The following FAM118A variants were observed in gnomAD, a reference collection of about 807,000 sequenced individuals.
The protein encoded by FAM118A is SIR2 antiphage like 2, also known as protein FAM118A.
Under a neutral mutation model 38.2 loss-of-function variants are expected in FAM118A, and 25 were observed. That is an observed-to-expected ratio of 0.65 (90% CI 0.48 to 0.91). The LOEUF (loss-of-function observed/expected upper bound fraction) is 0.91. FAM118A is among the 40% of genes least tolerant of loss of function. The probability of loss-of-function intolerance (pLI) is 0.00; values close to 1 mark genes in which losing one functional copy is unlikely to be tolerated. For missense variants in FAM118A, 425 were observed against 463.3 expected (o/e 0.92, Z 0.76); for synonymous variants, 178 against 184.1 (o/e 0.97, Z 0.27).
Position 45,341,160 on chromosome 22 carries a change from A to G in FAM118A, c.*755A>G, listed in dbSNP as rs1314551833. 2.0e-5 allele frequency: 3 copies of G among 152,222 alleles called. No homozygotes were observed. The highest frequency in any genetic ancestry group is 4.4e-5 in the Non-Finnish European group (3 of 68,030). 9.4% of individuals were successfully genotyped at this position (152,222 alleles called of 1,614,324 possible). On this transcript the variant is annotated 3_prime_UTR_variant, in exon 9 of 9. Coordinates refer to ENST00000441876, the MANE Select transcript of FAM118A (RefSeq NM_017911.4). ...ACATGTTACTATAGAAAGCATTTTA[A>G]AGGTACGTTTTAAAGGTCCACTGTT...
At chr22:45,320,323 G>A (rs1489818325) in intron 1 of FAM118A, among the ~76,000 whole-genome samples, 2 of 152,122 alleles carry the variant, frequency 1.3e-5, no homozygotes, top group Non-Finnish European at 2.9e-5. Flanking sequence ...TTAGCCGGAT[G>A]TGGTGGCGCA....
intron 1 of FAM118A, among the ~76,000 whole-genome samples, chr22:45,316,286 C>T (rs1283934317): frequency 3.9e-5 from 6 of 152,136 alleles, no homozygotes; most frequent in Non-Finnish European, 8.8e-5. Context: ...GTGATCCGGC[C>T]GCCTCGGCCT....
At chr22:45,322,342 A>C in intron 1 of FAM118A, 29 bp from the exon 2 acceptor site, 2 of 1,602,444 alleles carry the variant, frequency 1.2e-6, no homozygotes, top group Admixed American at 3.5e-5. Context: ...GGGAGACAGA[A>C]GTCACTTCTG....
At chr22:45,332,314 G>A in intron 5 of FAM118A, 111 bp from the exon 6 acceptor site, 4 of 1,168,888 alleles carry the variant, frequency 3.4e-6, no homozygotes, top group Non-Finnish European at 3.7e-6. Context: ...GTGGCCCTGG[G>A]AACGCCTGTC....
intron 8 of FAM118A, among the ~76,000 whole-genome samples, chr22:45,339,039 G>C (rs2086295579): frequency 6.6e-6 from 1 of 152,264 alleles, no homozygotes; most frequent in Non-Finnish European, 1.5e-5. Context: ...ATGAGAGTGA[G>C]CTGATGTGGC....
intron 6 of FAM118A, among the ~76,000 whole-genome samples, chr22:45,333,545 G>T (rs2085871383): frequency 6.6e-6 from 1 of 151,966 alleles, no homozygotes; most frequent in South Asian, 2.1e-4. Flanking sequence ...ATGGTGGCGG[G>T]CACCTGTAGT....
At chr22:45,320,269 C>G (rs1035182814) in intron 1 of FAM118A, among the ~76,000 whole-genome samples, 6 of 152,110 alleles carry the variant, frequency 3.9e-5, no homozygotes, top group African/African-American at 1.4e-4. Flanking sequence ...CGAGACCATC[C>G]TGGCTAACAT....
At chr22:45,339,464 T>G (rs1185688471) in intron 8 of FAM118A, among the ~76,000 whole-genome samples, 1 of 152,228 alleles carries the variant, frequency 6.6e-6, no homozygotes, top group Non-Finnish European at 1.5e-5. Context: ...ACACATGTTT[T>G]AGAGAATTCG....
At chr22:45,327,715 C>T (rs1244443042) in intron 3 of FAM118A, 127 bp from the exon 4 acceptor site, 38 of 918,110 alleles carry the variant, frequency 4.1e-5, no homozygotes, top group Non-Finnish European at 5.2e-5. Context: ...TTGCGGCGCA[C>T]GCTGTGAAGC....
Position 45,340,640 on chromosome 22 carries a change from T to C in FAM118A, c.*235T>C, listed in dbSNP as rs532050285. ...TTCAGGTGGACTTTGCAAGGACTGA[T>C]GGATAGCTACCTCAGGGACCAGAAT... On this transcript the variant is annotated 3_prime_UTR_variant, in exon 9 of 9. Coordinates refer to ENST00000441876, the MANE Select transcript of FAM118A (RefSeq NM_017911.4). The C allele has an allele frequency of 1.8e-6, 1 of 564,412 alleles. No individual in the cohort carries two copies. Among genetic ancestry groups the C allele is most frequent in the African/African-American group, 1.9e-5 (1 of 53,426 alleles). The allele number at this position is 564,412 out of a possible 1,614,324, so 35.0% of individuals were successfully genotyped here.
chr22:45,338,299 G>A (rs914987554), intron 8 of FAM118A, among the ~76,000 whole-genome samples: 6 of 151,966 alleles, frequency 3.9e-5, no homozygotes, highest in Non-Finnish European at 4.4e-5. Flanking sequence ...GCGCGATCTC[G>A]GCTCACCACA....
chr22:45,335,877 T>A (rs961423879), intron 7 of FAM118A, among the ~76,000 whole-genome samples: 2 of 152,248 alleles, frequency 1.3e-5, no homozygotes, highest in Non-Finnish European at 2.9e-5. Context: ...AGCGTCCTCC[T>A]GTGTGTGCGC....
chr22:45,323,087 A>G, intron 2 of FAM118A, 88 bp from the exon 3 acceptor site: 1 of 1,414,982 alleles, frequency 7.1e-7, no homozygotes, highest in Non-Finnish European at 9.7e-7. Flanking sequence ...ACACAGCACA[A>G]GGCCGGAACT....
At chr22:45,337,349 G>A (rs1021677406) in intron 8 of FAM118A, among the ~76,000 whole-genome samples, 1 of 152,238 alleles carries the variant, frequency 6.6e-6, no homozygotes, top group East Asian at 1.9e-4. Flanking sequence ...TGTTGTGTCT[G>A]TGGGCCCAGT....
At position 45,336,323 on chromosome 22, in the gene FAM118A, T is replaced by C. The variant is rs756841208; in HGVS notation, c.971-5T>C. 1 of 1,610,532 alleles carries C rather than the reference T, an allele frequency of 6.2e-7. No individual in the cohort carries two copies. The highest frequency in any genetic ancestry group is 1.3e-5 in the African/African-American group (1 of 74,780). On this transcript the variant is annotated splice_polypyrimidine_tract_variant and splice_region_variant and intron_variant, in intron 7 of 8. Transcript: ENST00000441876. ...CAAGCTTCTTAATAAATTCTTCTCT[T>C]TTAGGTAATGCATGCCAGGACTGTG...
intron 8 of FAM118A, among the ~76,000 whole-genome samples, 169 bp downstream of exon 8, chr22:45,336,580 C>T (rs1293493098): frequency 6.6e-6 from 1 of 152,166 alleles, no homozygotes. Context: ...GAGACCCTGA[C>T]CTCTCACCCC....
At chr22:45,322,633 C>T (rs1389362174) in intron 2 of FAM118A, among the ~76,000 whole-genome samples, 4 of 152,180 alleles carry the variant, frequency 2.6e-5, no homozygotes, top group Non-Finnish European at 4.4e-5. Context: ...GTCTCCAAAC[C>T]AAGCAACATG....
chr22:45,338,252 CAG>C (rs1253864694), intron 8 of FAM118A, among the ~76,000 whole-genome samples: 2 of 151,586 alleles, frequency 1.3e-5, no homozygotes, highest in Non-Finnish European at 2.9e-5. Context: ...TTTTTTGAGA[CAG>C]AGTCTTGCTC....
Position 45,340,508 on chromosome 22 carries a change from G to A in FAM118A, c.*103G>A, listed in dbSNP as rs1049684871. 3.0e-5 allele frequency: 41 copies of A among 1,378,748 alleles called. No individual in the cohort carries two copies. The highest frequency in any genetic ancestry group is 1.1e-4 in the African/African-American group (8 of 70,236). The allele number at this position is 1,378,748 out of a possible 1,614,324, so 85.4% of individuals were successfully genotyped here. A position where few individuals can be genotyped will look rare whatever the true frequency, so the allele number is the denominator to read the frequency against. On this transcript the variant is annotated 3_prime_UTR_variant, in exon 9 of 9. Transcript: ENST00000441876. ...GAACTCCACGTGGATCTCTGATTGC[G>A]AAACCGTCACATACACCAAGAGAGC...
Sources: gnomAD v4.1 joint callset for allele counts (sites outside exome capture counted in the v4.1 genomes callset) on GRCh38, gnomAD v4.1.1 for gene constraint, MANE v1.5 for transcripts, NCBI Gene and HGNC (gene_info 2026-07-23, HGNC 2026-07-21) for gene names.